ATXN7L1: variants seen among roughly 807,000 people sequenced by gnomAD.
ATXN7L1 encodes the protein ataxin 7 like 1, also known as ataxin-7-like protein 1.
A neutral mutation model predicts 70.8 loss-of-function variants in ATXN7L1; 15 were observed. The observed-to-expected ratio is 0.21, with a 90% CI of 0.14 to 0.33. The LOEUF is 0.33. Among genes scored for constraint, ATXN7L1 ranks in the 10% least tolerant of loss-of-function variants. ATXN7L1 has a pLI of 1.00. For synonymous variants in ATXN7L1, 440 were observed against 445.1 expected, an observed-to-expected ratio of 0.99 and a Z score of 0.14; for missense variants, 975 against 1,097.1, an observed-to-expected ratio of 0.89 and a Z score of 1.57.
At chr7:105,778,755 A>C (rs1459129139) in intron 3 of ATXN7L1, among the ~76,000 whole-genome samples, 1 of 152,198 alleles carries the variant, frequency 6.6e-6, no homozygotes, top group Non-Finnish European at 1.5e-5. Context: ...TACAGGTAGA[A>C]TTTTTAGGAG....
chr7:105,634,677 A>G (rs78671519), intron 7 of ATXN7L1, among the ~76,000 whole-genome samples: 2,039 of 152,288 alleles, frequency 0.013, 24 homozygotes, highest in Non-Finnish European at 0.02. Context: ...AAACTATTAT[A>G]AAGCTAATAA....
chr7:105,767,569 T>C (rs10281039), intron 3 of ATXN7L1, among the ~76,000 whole-genome samples: 25,420 of 152,206 alleles, frequency 0.17, 2,768 homozygotes, highest in African/African-American at 0.29. Flanking sequence ...TGTATAGATG[T>C]CTGGTGTTCT....
At chr7:105,679,789 C>T (rs1031346007) in intron 3 of ATXN7L1, among the ~76,000 whole-genome samples, 2 of 151,788 alleles carry the variant, frequency 1.3e-5, no homozygotes, top group Non-Finnish European at 2.9e-5. Context: ...GAAAAGAAGG[C>T]GGGGGGAGTG....
At chr7:105,672,257 G>T (rs929913408) in intron 3 of ATXN7L1, among the ~76,000 whole-genome samples, 8 of 152,100 alleles carry the variant, frequency 5.3e-5, no homozygotes, top group Non-Finnish European at 8.8e-5. Context: ...CTGCACTCCA[G>T]TCTCGGCGAC....
chr7:105,748,064 G>A (rs1177975834), intron 3 of ATXN7L1, among the ~76,000 whole-genome samples: 3 of 149,348 alleles, frequency 2.0e-5, no homozygotes, highest in Non-Finnish European at 4.4e-5. Context: ...GTTGTGGTGA[G>A]CCAAGATCGT....
At chr7:105,824,375 G>C (rs1341694996) in intron 2 of ATXN7L1, among the ~76,000 whole-genome samples, 1 of 152,058 alleles carries the variant, frequency 6.6e-6, no homozygotes, top group Non-Finnish European at 1.5e-5. Flanking sequence ...AAGAGACTGA[G>C]ACACAATAAC....
intron 4 of ATXN7L1, among the ~76,000 whole-genome samples, chr7:105,644,068 G>C (rs1266840682): frequency 6.6e-6 from 1 of 152,162 alleles, no homozygotes; most frequent in Non-Finnish European, 1.5e-5. Context: ...AGTCATCTCT[G>C]AGCTGAGAGT....
intron 3 of ATXN7L1, among the ~76,000 whole-genome samples, chr7:105,731,593 C>G (rs1796540191): frequency 6.6e-6 from 1 of 151,348 alleles, no homozygotes; most frequent in Admixed American, 6.6e-5. Context: ...CACCACCACG[C>G]CCGGCTAATT....
chr7:105,729,759 A>G (rs1796321905), intron 3 of ATXN7L1, among the ~76,000 whole-genome samples: 1 of 124,314 alleles, frequency 8.0e-6, no homozygotes, highest in Non-Finnish European at 1.6e-5. Context: ...TTTTTCTGAG[A>G]TGGAGTCTCA....
chr7:105,820,066 A>G, intron 2 of ATXN7L1: 1 of 400,456 alleles, frequency 2.5e-6, no homozygotes, highest in African/African-American at 2.1e-5. Flanking sequence ...TGACAAATAC[A>G]CAGAAGCTCT....
intron 3 of ATXN7L1, among the ~76,000 whole-genome samples, chr7:105,712,532 G>A (rs189483601): frequency 1.3e-5 from 2 of 152,274 alleles, no homozygotes; most frequent in African/African-American, 4.8e-5. Flanking sequence ...TGAATACTTT[G>A]CTGCTTAGAA....
At chr7:105,678,092 C>T (rs74423463) in intron 3 of ATXN7L1, 28 of 520,856 alleles carry the variant, frequency 5.4e-5, no homozygotes, top group Non-Finnish European at 5.8e-5. Context: ...CAGACACATA[C>T]TTTTTTTTTT....
chr7:105,672,200 C>G (rs1803844826), intron 3 of ATXN7L1, among the ~76,000 whole-genome samples: 1 of 151,808 alleles, frequency 6.6e-6, no homozygotes, highest in Non-Finnish European at 1.5e-5. Context: ...GCAGGAGAAT[C>G]ACTTGAACCC....
chr7:105,706,286 C>A (rs1347738908), intron 3 of ATXN7L1, among the ~76,000 whole-genome samples: 2 of 150,410 alleles, frequency 1.3e-5, no homozygotes, highest in Non-Finnish European at 3.0e-5. Context: ...CTCTGCCTCC[C>A]GGGTTCAAGT....
At chr7:105,642,184 T>A (rs1369228202) in intron 5 of ATXN7L1, among the ~76,000 whole-genome samples, 1 of 152,212 alleles carries the variant, frequency 6.6e-6, no homozygotes, top group Non-Finnish European at 1.5e-5. Context: ...CATCATCCTG[T>A]GTGCCTCTTC....
At chr7:105,763,729 G>A (rs901919298) in intron 3 of ATXN7L1, among the ~76,000 whole-genome samples, 11 of 152,160 alleles carry the variant, frequency 7.2e-5, no homozygotes, top group Non-Finnish European at 1.0e-4. Context: ...AAGGTGGGCC[G>A]CTATACTTCA....
chr7:105,831,983 GTGAGTAATACTCACA>G (rs753639719), intron 2 of ATXN7L1, among the ~76,000 whole-genome samples: 6 of 152,062 alleles, frequency 3.9e-5, no homozygotes, highest in Admixed American at 1.3e-4. Context: ...TCATTCAGCT[GTGAGTAATACTCACA>G]TGATCATAAT....
chr7:105,618,503 CT>C (rs908814856), intron 9 of ATXN7L1, among the ~76,000 whole-genome samples: 14 of 152,170 alleles, frequency 9.2e-5, no homozygotes, highest in African/African-American at 3.1e-4. Flanking sequence ...CTCACTTCTC[CT>C]AGAAGTTCAG....
chr7:105,653,352 G>C (rs985740192), intron 4 of ATXN7L1, among the ~76,000 whole-genome samples: 4 of 152,142 alleles, frequency 2.6e-5, no homozygotes, highest in African/African-American at 9.7e-5. Flanking sequence ...GGAGGCTGAG[G>C]CAGGAGAATT....
Sources: gnomAD v4.1 joint callset for allele counts (sites outside exome capture counted in the v4.1 genomes callset) on GRCh38, gnomAD v4.1.1 for gene constraint, MANE v1.5 for transcripts, NCBI Gene and HGNC (gene_info 2026-07-23, HGNC 2026-07-21) for gene names.